The following KAT2B variants were observed in gnomAD, a reference collection of about 807,000 sequenced individuals.
KAT2B encodes lysine acetyltransferase 2B, also known as histone acetyltransferase KAT2B.
KAT2B carries 36 observed loss-of-function variants against 105.9 expected under a neutral mutation model. The observed-to-expected ratio is 0.34, with a 90% CI of 0.26 to 0.45. The LOEUF (loss-of-function observed/expected upper bound fraction) is 0.45, where lower values mean the gene tolerates loss of function less well. KAT2B is among the 20% of genes least tolerant of loss of function. The probability of loss-of-function intolerance (pLI) is 1.00; values close to 1 mark genes in which losing one functional copy is unlikely to be tolerated. For missense variants in KAT2B, 820 were observed against 1,021.6 expected, an observed-to-expected ratio of 0.80 and a Z score of 2.69; for synonymous variants, 397 against 377.9, an observed-to-expected ratio of 1.05 and a Z score of -0.59.
In KAT2B at chr3:20,111,728, A is replaced by G; in HGVS notation, c.984A>G (p.Arg328=). The change falls in exon 6 of 18, where the codon AGA becomes AGG. Residue 328 remains arginine (R), a synonymous_variant. Transcript: ENST00000263754. ...VMRRQLLEQA[R]QEKDKLPLEK... ...GGCGACAACTCCTGGAACAAGCAAG[A>G]CAGGAAAAAGATAAACTGCCTCTTG... is the stretch of plus-strand genomic sequence containing the variant. 6.2e-7 allele frequency: 1 copy of G among 1,614,142 alleles called. No individual in the cohort carries two copies. Among genetic ancestry groups the G allele is most frequent in the Non-Finnish European group, 8.5e-7 (1 of 1,179,990 alleles).
At chr3:20,095,472 C>T in intron 3 of KAT2B, 64 bp downstream of exon 3, 1 of 1,171,710 alleles carries the variant, frequency 8.5e-7, no homozygotes, top group Non-Finnish European at 1.2e-6. Context: ...TCTCCATATG[C>T]CAGGTCGTGG....
intron 5 of KAT2B, among the ~76,000 whole-genome samples, chr3:20,108,438 T>A (rs1020042178): frequency 6.6e-6 from 1 of 152,210 alleles, no homozygotes; most frequent in Non-Finnish European, 1.5e-5. Flanking sequence ...GGACATATTT[T>A]GTTATTTTTA....
chr3:20,148,723 G>C (rs960523558), intron 17 of KAT2B: 1 of 406,132 alleles, frequency 2.5e-6, no homozygotes, highest in Non-Finnish European at 4.4e-6. Context: ...GACACTAGAC[G>C]CAGAAAATCC....
At chr3:20,150,283 T>C (rs538646381) in intron 17 of KAT2B, among the ~76,000 whole-genome samples, 1 of 152,380 alleles carries the variant, frequency 6.6e-6, no homozygotes, top group East Asian at 1.9e-4. Context: ...TCCCCAAGAT[T>C]ATCTTGTATT....
At chr3:20,128,189 G>A (rs2125180776) in intron 11 of KAT2B, among the ~76,000 whole-genome samples, 1 of 152,272 alleles carries the variant, frequency 6.6e-6, no homozygotes, top group Middle Eastern at 3.4e-3. Flanking sequence ...CAAATGAAGG[G>A]ATATTTGAAA....
At chr3:20,081,141 T>C (rs1297291028) in intron 2 of KAT2B, among the ~76,000 whole-genome samples, 1 of 152,224 alleles carries the variant, frequency 6.6e-6, no homozygotes, top group Non-Finnish European at 1.5e-5. Flanking sequence ...CGATGCCAAA[T>C]TCCCATGAAC....
chr3:20,041,379 G>C (rs1313766768), intron 1 of KAT2B, among the ~76,000 whole-genome samples: 1 of 152,122 alleles, frequency 6.6e-6, no homozygotes, highest in African/African-American at 2.4e-5. Flanking sequence ...TGCCGCGCGC[G>C]GTGACAGCCC....
intron 17 of KAT2B, among the ~76,000 whole-genome samples, chr3:20,149,778 A>C (rs1282183790): frequency 6.6e-6 from 1 of 152,154 alleles, no homozygotes; most frequent in Admixed American, 6.5e-5. Flanking sequence ...CTCAGTCTAG[A>C]ATTCTGAATG....
chr3:20,069,608 C>G (rs1440362967), intron 1 of KAT2B, among the ~76,000 whole-genome samples: 1 of 151,702 alleles, frequency 6.6e-6, no homozygotes, highest in Non-Finnish European at 1.5e-5. Context: ...TCACGGCAAC[C>G]TCTGCCGCCC....
chr3:20,053,163 T>C (rs1361035438), intron 1 of KAT2B, among the ~76,000 whole-genome samples: 1 of 152,114 alleles, frequency 6.6e-6, no homozygotes, highest in Non-Finnish European at 1.5e-5. Context: ...CTCCTACAAA[T>C]CAAGCAAAGA....
At chr3:20,137,604 T>G (rs1447358928) in intron 12 of KAT2B, 1 of 154,610 alleles carries the variant, frequency 6.5e-6, no homozygotes, top group Non-Finnish European at 1.5e-5. Context: ...TGGTGCAATC[T>G]CAGTTCACTG....
intron 2 of KAT2B, among the ~76,000 whole-genome samples, chr3:20,081,878 CAT>C (rs139743528): frequency 1.4e-5 from 2 of 140,502 alleles, no homozygotes; most frequent in African/African-American, 2.8e-5. Context: ...GTCATTGGCT[CAT>C]ATATATATAT....
chr3:20,143,054 T>A (rs918528383), intron 13 of KAT2B, among the ~76,000 whole-genome samples: 1 of 152,136 alleles, frequency 6.6e-6, no homozygotes, highest in African/African-American at 2.4e-5. Context: ...GCAATTTTTT[T>A]ATAAGGAGAC....
Position 20,147,979 on chromosome 3 carries a change from A to G in KAT2B, c.2136A>G (p.Lys712=). 1.2e-6 allele frequency: 2 copies of G among 1,613,748 alleles called. No individual in the cohort carries two copies. Among genetic ancestry groups the G allele is most frequent in the Non-Finnish European group, 8.5e-7 (1 of 1,179,750 alleles). The change falls in exon 15 of 18, where the codon AAA becomes AAG. Residue 712 remains lysine (K), a synonymous_variant. Transcript: ENST00000263754. ...SIPGIRETGW[K]PSGKEKSKEP... Reference sequence around the variant, plus strand: ...GACGTATAGGAGAGACAGGCTGGAAACCGAGTGGAAAAGAGAAAAGGTAAG... The same window carrying G: ...GACGTATAGGAGAGACAGGCTGGAAGCCGAGTGGAAAAGAGAAAAGGTAAG...
chr3:20,129,389 T>TA (rs1575151192), intron 11 of KAT2B, among the ~76,000 whole-genome samples: 1 of 151,600 alleles, frequency 6.6e-6, no homozygotes, highest in Non-Finnish European at 1.5e-5. Flanking sequence ...TTTTTTTTTT[T>TA]TTTGAGACAG....
intron 9 of KAT2B, among the ~76,000 whole-genome samples, chr3:20,124,337 G>C (rs1470090212): frequency 2.0e-5 from 3 of 152,162 alleles, no homozygotes; most frequent in African/African-American, 7.2e-5. Context: ...ATCAGCATCT[G>C]CTCAGCTTCT....
chr3:20,079,592 C>A (rs1235956715), intron 2 of KAT2B, among the ~76,000 whole-genome samples: 1 of 152,084 alleles, frequency 6.6e-6, no homozygotes, highest in East Asian at 1.9e-4. Flanking sequence ...GAAGAAAATA[C>A]CAGTATTTTT....
At position 20,059,202 on chromosome 3, in the gene KAT2B, C is replaced by G. The variant is rs191969012; in HGVS notation, c.304-13131C>G. On this transcript the variant is annotated intron_variant, in intron 1 of 17. Coordinates refer to ENST00000263754, the MANE Select transcript of KAT2B (RefSeq NM_003884.5). ...CTGAGGTGGGCAGATCACTTGAGGT[C>G]GGGAGTTCGAGACCAGCCTGGCCAA... Among the ~76,000 whole-genome samples, 45 of 151,316 alleles carry G rather than the reference C, an allele frequency of 3.0e-4. No homozygotes were observed. The East Asian group carries it at 7.1e-3, about 24-fold the overall frequency.
At chr3:20,061,719 G>T (rs530024150) in intron 1 of KAT2B, among the ~76,000 whole-genome samples, 74 of 136,640 alleles carry the variant, frequency 5.4e-4, no homozygotes, top group African/African-American at 1.9e-3. Context: ...ATTTTCATAC[G>T]TATATATGAA....
Sources: allele counts gnomAD v4.1 joint callset (sites outside exome capture counted in the v4.1 genomes callset), GRCh38; gene constraint gnomAD v4.1.1; transcripts MANE v1.5; gene names NCBI Gene and HGNC (gene_info 2026-07-23, HGNC 2026-07-21).